Variants in PCBP3 observed in about 807,000 individuals in gnomAD.
PCBP3 encodes the protein poly(rC)-binding protein 3.
Under a neutral mutation model 52.7 loss-of-function variants are expected in PCBP3, and 25 were observed. The ratio of observed to expected loss-of-function variants is 0.47; its 90% CI spans 0.35 to 0.66. The LOEUF (loss-of-function observed/expected upper bound fraction) is 0.66. Among genes scored for constraint, PCBP3 ranks in the 30% least tolerant of loss-of-function variants. The pLI, the probability that PCBP3 is intolerant of heterozygous loss-of-function variation, is 0.01. For missense variants in PCBP3, 391 were observed against 490.3 expected (o/e 0.80, Z 1.91); for synonymous variants, 162 against 183.0 (o/e 0.89, Z 0.93).
chr21:45,898,985 C>T (rs1478914587), intron 6 of PCBP3, among the ~76,000 whole-genome samples: 1 of 149,746 alleles, frequency 6.7e-6, no homozygotes, highest in Non-Finnish European at 1.5e-5. Flanking sequence ...GCCTCACCGA[C>T]GTCACCATTG....
At chr21:45,811,073 T>G (rs1304875192) in intron 4 of PCBP3, among the ~76,000 whole-genome samples, 1 of 152,254 alleles carries the variant, frequency 6.6e-6, no homozygotes, top group Non-Finnish European at 1.5e-5. Context: ...TCCATTTTTT[T>G]GTATTTTTAT....
chr21:45,879,341 C>A (rs2095344930), intron 5 of PCBP3, among the ~76,000 whole-genome samples: 1 of 152,024 alleles, frequency 6.6e-6, no homozygotes, highest in Non-Finnish European at 1.5e-5. Flanking sequence ...ATCTAATAAC[C>A]AGAATGAAAA....
Position 45,810,957 on chromosome 21 carries a change from A to C in PCBP3, c.-125-39004A>C, listed in dbSNP as rs76853518. Among the ~76,000 whole-genome samples the C allele has an allele frequency of 3.6e-3, 555 of 152,324 alleles. 2 individuals carry two copies. The highest frequency in any genetic ancestry group is 0.012 in the African/African-American group (492 of 41,564). Reference sequence around the variant, plus strand: ...ATGTTGGTGTGAAGTTGGTCATCATAATAATCTCACATTATCATTTTAATA... The same window carrying C: ...ATGTTGGTGTGAAGTTGGTCATCATCATAATCTCACATTATCATTTTAATA... On this transcript the variant is annotated intron_variant, in intron 4 of 17. Coordinates refer to ENST00000681687, the MANE Select transcript of PCBP3 (RefSeq NM_001384156.1).
chr21:45,912,252 G>A (rs552242652), intron 11 of PCBP3, among the ~76,000 whole-genome samples: 3 of 152,194 alleles, frequency 2.0e-5, no homozygotes, highest in Admixed American at 6.5e-5. Context: ...CAGGGAGCTC[G>A]TAGCAGACAT....
rs550272973 is a variant in PCBP3, at chr21:45,746,124, GCA to G, written c.-161-9289_-161-9288del. Among the ~76,000 whole-genome samples the G allele has an allele frequency of 1.9e-3, 241 of 127,344 alleles. 33 individuals are homozygous for G. The highest frequency in any genetic ancestry group is 7.8e-3 in the African/African-American group (223 of 28,760). 83.5% of individuals were successfully genotyped at this position (127,344 alleles called of 152,430 possible). On this transcript the variant is annotated intron_variant, in intron 3 of 17. Coordinates refer to ENST00000681687, the MANE Select transcript of PCBP3 (RefSeq NM_001384156.1). Reference sequence around the variant, plus strand: ...CGCTGTGTCAGTCCACTGACGTAGCGCACACGGTGTTGTGTCAGCATCGCTGT... The same window carrying G: ...CGCTGTGTCAGTCCACTGACGTAGCGCACGGTGTTGTGTCAGCATCGCTGT...
chr21:45,653,189 A>G lies in PCBP3; in HGVS notation c.-279+9321A>G, dbSNP rs559766990. 1.4e-4 allele frequency among the ~76,000 whole-genome samples: 21 copies of G among 152,296 alleles called. 1 individual carries two copies. Among genetic ancestry groups the G allele is most frequent in the African/African-American group, 4.6e-4 (19 of 41,570 alleles). ...GAATATGGTATGTAAGTTTTCTCAG[A>G]TATTCCTATGTGCCTGGAAATAATT... On this transcript the variant is annotated intron_variant, in intron 1 of 17. Transcript: ENST00000681687.
chr21:45,840,418 C>T (rs79413231), intron 4 of PCBP3, among the ~76,000 whole-genome samples: 3 of 143,650 alleles, frequency 2.1e-5, no homozygotes, highest in Non-Finnish European at 4.5e-5. Context: ...GATTGCGCCA[C>T]TGCACTCCAG....
Position 45,917,590 on chromosome 21 carries a change from C to G in PCBP3, c.678C>G (p.Ala226=). 2.5e-6 allele frequency: 4 copies of G among 1,613,064 alleles called. No homozygotes were observed. In the African/African-American group the frequency reaches 4.0e-5, roughly 16 times the overall value. The change falls in exon 13 of 18, where the codon GCC becomes GCG. Residue 226 remains alanine, a splice_region_variant and synonymous_variant. Coordinates refer to ENST00000681687, the MANE Select transcript of PCBP3 (RefSeq NM_001384156.1). This position sits in a 1 kb window ranked among gnomAD's most constrained non-coding sequence, Gnocchi z 5.3. ...ACGGGGTCTCTCTCTCTCTCTAGGC[C>G]TACACAATCCAGGGACAGTATGCCA... ...STPVIFAGGQ[A]YTIQGQYAIP... is the part of the protein sequence containing the mutation.
chr21:45,678,648 A>G (rs1180472846), intron 2 of PCBP3, among the ~76,000 whole-genome samples: 1 of 151,824 alleles, frequency 6.6e-6, no homozygotes, highest in Non-Finnish European at 1.5e-5. Flanking sequence ...CTCATGATCA[A>G]ACTTGAATGG....
Position 45,899,620 on chromosome 21 carries a change from A to C in PCBP3, c.187A>C (p.Lys63Gln), listed in dbSNP as rs1170071336. Residue 63 changes from lysine (K) to glutamine (Q), a missense_variant and splice_region_variant, in exon 7 of 18, where the codon AAG becomes CAG. Lys to Gln is a moderately conservative substitution (Grantham distance 53). Coordinates refer to ENST00000681687, the MANE Select transcript of PCBP3 (RefSeq NM_001384156.1). Reference sequence around the variant, plus strand: ...GCAGGAAGTTGGAAGCATCATCGGGAAGGTAATTATTGATTGAATCTCTGC... The same window carrying C: ...GCAGGAAGTTGGAAGCATCATCGGGCAGGTAATTATTGATTGAATCTCTGC... ...HGKEVGSIIG[K>Q]KGETVKKMRE... 1 of 1,608,910 alleles carries C rather than the reference A, an allele frequency of 6.2e-7. No individual in the cohort carries two copies. Among genetic ancestry groups the C allele is most frequent in the Non-Finnish European group, 8.5e-7 (1 of 1,175,862 alleles).
Position 45,834,353 on chromosome 21 carries a change from T to C in PCBP3, c.-125-15608T>C, listed in dbSNP as rs144399187. Among the ~76,000 whole-genome samples, 54 of 152,362 alleles carry C rather than the reference T, an allele frequency of 3.5e-4. No homozygotes were observed. The East Asian group carries it at 9.6e-3, about 27-fold the overall frequency. On this transcript the variant is annotated intron_variant, in intron 4 of 17. Coordinates refer to ENST00000681687, the MANE Select transcript of PCBP3 (RefSeq NM_001384156.1). ...GGACTGGAAGTTGTGAATGAATGAC[T>C]AAATGCTTTCCTAGAGGCTGACCGA...
intron 10 of PCBP3, among the ~76,000 whole-genome samples, chr21:45,910,499 TTGCCCTATGCAGCAGGGCAGC>T (rs1455019681): frequency 5.3e-5 from 8 of 152,268 alleles, no homozygotes; most frequent in African/African-American, 1.9e-4. Flanking sequence ...GCCTGAATCC[TTGCCCTATGCAGCAGGGCAGC>T]TGCCCCAATC....
chr21:45,914,420 T>G, intron 12 of PCBP3: 2 of 408,884 alleles, frequency 4.9e-6, no homozygotes, highest in Non-Finnish European at 8.7e-6. Context: ...ACATCCGTGT[T>G]CCCAAACTCC....
intron 5 of PCBP3, among the ~76,000 whole-genome samples, chr21:45,863,505 G>A (rs1056636066): frequency 2.9e-4 from 44 of 152,234 alleles, no homozygotes; most frequent in African/African-American, 1.0e-3. Flanking sequence ...AAATGACAGC[G>A]CATGAGTGCT....
intron 5 of PCBP3, among the ~76,000 whole-genome samples, chr21:45,861,232 G>A (rs957175830): frequency 8.5e-5 from 13 of 152,160 alleles, no homozygotes; most frequent in Non-Finnish European, 1.8e-4. Context: ...AGGTGAGAAG[G>A]CCACTTACCC....
In PCBP3 at chr21:45,694,054, G is replaced by A. The variant is rs116688850; in HGVS notation, c.-200+25102G>A. The stretch of plus-strand genomic sequence containing the variant: ...TAATTGAAATCTCTTAGATAACTAC[G>A]AAAATGATAACACTAGAATAAATAA... On this transcript the variant is annotated intron_variant, in intron 2 of 17. Transcript: ENST00000681687. Among the ~76,000 whole-genome samples, 631 of 151,940 alleles carry A rather than the reference G, an allele frequency of 4.2e-3. 8 individuals carry two copies. Among genetic ancestry groups the A allele is most frequent in the African/African-American group, 0.015 (607 of 41,462 alleles).
chr21:45,825,567 A>G (rs2147548388), intron 4 of PCBP3, among the ~76,000 whole-genome samples: 1 of 152,272 alleles, frequency 6.6e-6, no homozygotes, highest in Admixed American at 6.5e-5. Context: ...TTGGCAGATC[A>G]GTGTCACCGT....
chr21:45,822,972 A>G (rs957639667), intron 4 of PCBP3, among the ~76,000 whole-genome samples: 1 of 152,174 alleles, frequency 6.6e-6, no homozygotes, highest in African/African-American at 2.4e-5. Context: ...CTCACATGTG[A>G]GGCTGACCTG....
At position 45,897,543 on chromosome 21, in the gene PCBP3, G is replaced by A. The variant is rs112364447; in HGVS notation, c.165+1181G>A. On this transcript the variant is annotated intron_variant, in intron 6 of 17. Transcript: ENST00000681687. ...GAGTCAGGTTGCTATGTTGTTCCCC[G>A]GCTTTTCCTTCCATGACCACGTGAT... 6.7e-3 allele frequency among the ~76,000 whole-genome samples: 1,027 copies of A among 152,234 alleles called. 12 individuals are homozygous for A. Among genetic ancestry groups the A allele is most frequent in the African/African-American group, 0.022 (925 of 41,546 alleles).
Sources: gnomAD v4.1 joint callset for allele counts (sites outside exome capture counted in the v4.1 genomes callset) on GRCh38, gnomAD v4.1.1 for gene constraint, Gnocchi (gnomAD v3.1) non-coding constraint, MANE v1.5 for transcripts, NCBI Gene and HGNC (gene_info 2026-07-23, HGNC 2026-07-21) for gene names.